The following MEAK7 variants were observed in gnomAD, a reference collection of about 807,000 sequenced individuals.
The protein encoded by MEAK7 is MTOR-associated protein MEAK7.
Under a neutral mutation model 40.5 loss-of-function variants are expected in MEAK7, and 68 were observed. The observed-to-expected ratio is 1.68, with a 90% CI of 1.38 to 2.06. The LOEUF is 2.06. Among genes scored for constraint, MEAK7 ranks in the 30% most tolerant of loss-of-function variants. The pLI is 0.00. For synonymous variants in MEAK7, 338 were observed against 231.9 expected (o/e 1.46, Z -4.16); for missense variants, 918 against 580.5 (o/e 1.58, Z -5.98).
chr16:84,495,973 G>A, intron 2 of MEAK7, 60 bp from the exon 3 acceptor site: 1 of 1,572,584 alleles, frequency 6.4e-7, no homozygotes. Context: ...TTGGTTACTA[G>A]GAGTTATTAT....
chr16:84,494,324 T>C (rs774315702), intron 3 of MEAK7, among the ~76,000 whole-genome samples: 7 of 152,234 alleles, frequency 4.6e-5, no homozygotes, highest in Non-Finnish European at 7.3e-5. Flanking sequence ...GATTCTAGCT[T>C]TGACCAGTGT....
rs1912328097 is a variant in MEAK7, at chr16:84,479,560, C to A, written c.*353G>T. The A allele has an allele frequency of 5.7e-6, 1 of 175,698 alleles. No homozygotes were observed. The highest frequency in any genetic ancestry group is 6.3e-5 in the Admixed American group (1 of 15,862). The allele number at this position is 175,698 out of a possible 1,614,324, so 10.9% of individuals were successfully genotyped here. A position where few individuals can be genotyped will look rare whatever the true frequency, so the allele number is the denominator to read the frequency against. On this transcript the variant is annotated 3_prime_UTR_variant, in exon 8 of 8. Transcript: ENST00000343629. ...GGAATTCCCTAATGCCAGCGGAATT[C>A]CCTAATGCCAGCGGGGGTCTGAAAG...
chr16:84,487,206 G>C, intron 4 of MEAK7, 147 bp from the exon 5 acceptor site: 1 of 699,852 alleles, frequency 1.4e-6, no homozygotes, highest in Non-Finnish European at 2.2e-6. Context: ...GAGAGGTGCC[G>C]TCAGTGTAAA....
At chr16:84,483,295 T>TATGGGTC (rs1396051490) in intron 5 of MEAK7, among the ~76,000 whole-genome samples, 5 of 152,280 alleles carry the variant, frequency 3.3e-5, no homozygotes, top group Admixed American at 2.6e-4. Flanking sequence ...CTCTGGAAAC[T>TATGGGTC]ATGGGTCCCC....
At chr16:84,485,294 A>G (rs961633475) in intron 5 of MEAK7, among the ~76,000 whole-genome samples, 1 of 152,230 alleles carries the variant, frequency 6.6e-6, no homozygotes, top group Non-Finnish European at 1.5e-5. Context: ...ATAAAGATCT[A>G]GAACATCCTG....
intron 3 of MEAK7, among the ~76,000 whole-genome samples, chr16:84,492,322 G>C (rs893279460): frequency 6.6e-6 from 1 of 151,906 alleles, no homozygotes; most frequent in Non-Finnish European, 1.5e-5. Flanking sequence ...GTTATAAAAA[G>C]GTTTATACAA....
In MEAK7 at chr16:84,479,912, C is replaced by A; in HGVS notation, c.*1G>T. 1 of 1,593,438 alleles carries A rather than the reference C, an allele frequency of 6.3e-7. No individual in the cohort carries two copies. The highest frequency in any genetic ancestry group is 8.6e-7 in the Non-Finnish European group (1 of 1,165,730). On this transcript the variant is annotated 3_prime_UTR_variant, in exon 8 of 8. Coordinates refer to ENST00000343629, the MANE Select transcript of MEAK7 (RefSeq NM_020947.4). ...GGCTCCAGGAAGGCTCAGGCGGCTCCTCATTCATCGTCCGGGACTTCCCGG... is the reference window on the plus strand; with the variant it reads ...GGCTCCAGGAAGGCTCAGGCGGCTCATCATTCATCGTCCGGGACTTCCCGG...
Position 84,504,616 on chromosome 16 carries a change from G to C in MEAK7, c.-41C>G, listed in dbSNP as rs374176244. 9.4e-5 allele frequency: 93 copies of C among 985,612 alleles called. 1 individual carries two copies. The South Asian group carries it at 3.0e-3, about 31-fold the overall frequency. The allele number at this position is 985,612 out of a possible 1,614,324, so 61.1% of individuals were successfully genotyped here. ...AGGTACCTACCCTGCCGGGCTTCCT[G>C]GTGCTGTCCGGTCCGGTCCAGCAGC... On this transcript the variant is annotated 5_prime_UTR_variant, in exon 1 of 8. Transcript: ENST00000343629.
At chr16:84,488,227 T>C (rs1036261316) in intron 4 of MEAK7, 15 of 152,212 alleles carry the variant, frequency 9.9e-5, no homozygotes, top group African/African-American at 3.1e-4. Flanking sequence ...ATACTGATTC[T>C]AGATGGATGA....
Position 84,479,854 on chromosome 16 carries a change from G to T in MEAK7, c.*59C>A. 7.5e-7 allele frequency: 1 copy of T among 1,329,196 alleles called. No homozygotes were observed. Among genetic ancestry groups the T allele is most frequent in the Non-Finnish European group, 1.0e-6 (1 of 962,218 alleles). 82.3% of individuals were successfully genotyped at this position (1,329,196 alleles called of 1,614,324 possible). A position where few individuals can be genotyped will look rare whatever the true frequency, so the allele number is the denominator to read the frequency against. On this transcript the variant is annotated 3_prime_UTR_variant, in exon 8 of 8. Coordinates refer to ENST00000343629, the MANE Select transcript of MEAK7 (RefSeq NM_020947.4). ...ATGTGGGAGGGAAGAGGGGCTGCAGGCGTTGCCCTCTACCCAGAGGAATCC... is the reference window on the plus strand; with the variant it reads ...ATGTGGGAGGGAAGAGGGGCTGCAGTCGTTGCCCTCTACCCAGAGGAATCC...
chr16:84,498,514 A>G (rs12443526), intron 1 of MEAK7, among the ~76,000 whole-genome samples: 8,831 of 151,624 alleles, frequency 0.058, 538 homozygotes, highest in East Asian at 0.31. Flanking sequence ...GCCTTAAGTG[A>G]TTCTCCTGCC....
Position 84,497,950 on chromosome 16 carries a change from G to C in MEAK7, c.137C>G (p.Ser46Cys). Residue 46 changes from serine (S) to cysteine (C), a missense_variant, in exon 2 of 8, where the codon TCT becomes TGT. Transcript: ENST00000343629. ...NSPNVSSKSF[S>C]LKALQNHVGE... ...TACTCTTGCCTGTAGTGCCTTCAGA[G>C]AGAAGGATTTGGATGAGACATTCGG... is the stretch of plus-strand genomic sequence containing the variant. 1 of 1,614,222 alleles carries C rather than the reference G, an allele frequency of 6.2e-7. No individual in the cohort carries two copies. The highest frequency in any genetic ancestry group is 8.5e-7 in the Non-Finnish European group (1 of 1,180,040).
chr16:84,479,482 TTCCCTAATGCCAGCGGAATTCCCTAATGC>T lies in MEAK7; in HGVS notation c.*402_*430del, dbSNP rs1567482768. 2 of 118,864 alleles carry T rather than the reference TTCCCTAATGCCAGCGGAATTCCCTAATGC, an allele frequency of 1.7e-5. No individual in the cohort carries two copies. Among genetic ancestry groups the T allele is most frequent in the African/African-American group, 7.3e-5 (2 of 27,568 alleles). The allele number at this position is 118,864 out of a possible 1,614,324, so 7.4% of individuals were successfully genotyped here. On this transcript the variant is annotated 3_prime_UTR_variant, in exon 8 of 8. Coordinates refer to ENST00000343629, the MANE Select transcript of MEAK7 (RefSeq NM_020947.4). ...GCGGAATTCCCTAATGCCAGCGGAA[TTCCCTAATGCCAGCGGAATTCCCTAATGC>T]CAGCGGAATTCCCTAATGCCAGCGG... is the stretch of plus-strand genomic sequence containing the variant.
Position 84,480,530 on chromosome 16 carries a change from A to G in MEAK7, c.1256T>C (p.Leu419Ser). The change falls in exon 7 of 8, where the codon TTG becomes TCG. Residue 419 changes from leucine (L) to serine (S), a missense_variant and splice_region_variant. Transcript: ENST00000343629. ...GATGCAGAGGACAGCTCCACTCACCAACTGCTCCTCTGAGGGGTCTCCAAC... is the reference window on the plus strand; with the variant it reads ...GATGCAGAGGACAGCTCCACTCACCGACTGCTCCTCTGAGGGGTCTCCAAC... ...WAVGDPSEEQ[L>S]AKGNKSILDA... is the part of the protein sequence containing the mutation. 1.2e-6 allele frequency: 2 copies of G among 1,606,126 alleles called. No homozygotes were observed. The highest frequency in any genetic ancestry group is 1.7e-6 in the Non-Finnish European group (2 of 1,176,560).
chr16:84,497,483 A>T (rs1914145440), intron 2 of MEAK7: 1 of 1,290,150 alleles, frequency 7.8e-7, no homozygotes, highest in East Asian at 5.5e-5. Context: ...CCAGGAGGGC[A>T]GACCCATCAC....
At chr16:84,497,481 G>A (rs1597964856) in intron 2 of MEAK7, 2 of 1,290,228 alleles carry the variant, frequency 1.6e-6, no homozygotes, top group Non-Finnish European at 2.0e-6. Context: ...GTCCAGGAGG[G>A]CAGACCCATC....
rs369721213 is a variant in MEAK7 at position 84,503,190 on chromosome 16, A to T, written c.-26+1411T>A. ...CACTAACAATAACTGATAAGTGCAT[A>T]TATCTACATATATGGTAAAAAAAAA... On this transcript the variant is annotated intron_variant, in intron 1 of 7. Transcript: ENST00000343629. Among the ~76,000 whole-genome samples the T allele has an allele frequency of 2.3e-4, 27 of 116,048 alleles. No homozygotes were observed. The South Asian group carries it at 8.9e-3, about 38-fold the overall frequency. 76.1% of individuals were successfully genotyped at this position (116,048 alleles called of 152,430 possible).
chr16:84,486,504 G>A (rs374596994), intron 5 of MEAK7, 127 bp downstream of exon 5: 19 of 1,449,336 alleles, frequency 1.3e-5, no homozygotes, highest in African/African-American at 4.3e-5. Flanking sequence ...CTATCGCCCC[G>A]ACTGCGTCTA....
At chr16:84,493,576 G>A (rs1777113019) in intron 3 of MEAK7, among the ~76,000 whole-genome samples, 1 of 152,102 alleles carries the variant, frequency 6.6e-6, no homozygotes, top group South Asian at 2.1e-4. Context: ...GCTATTTACA[G>A]CTTTTAACAA....
Sources: gnomAD v4.1 joint callset for allele counts (sites outside exome capture counted in the v4.1 genomes callset) on GRCh38, gnomAD v4.1.1 for gene constraint, MANE v1.5 for transcripts, NCBI Gene and HGNC (gene_info 2026-07-23, HGNC 2026-07-21) for gene names.